Variants in LAPTM4B observed in about 807,000 individuals in gnomAD.
LAPTM4B encodes the protein lysosomal protein transmembrane 4 beta.
A neutral mutation model predicts 28.5 loss-of-function variants in LAPTM4B; 26 were observed. That is an observed-to-expected ratio of 0.91 (90% CI 0.67 to 1.27). LAPTM4B has a LOEUF of 1.27. LAPTM4B is among the 50% of genes most tolerant of loss of function. LAPTM4B has a pLI of 0.00. For missense variants in LAPTM4B, 288 were observed against 285.8 expected, an observed-to-expected ratio of 1.01 and a Z score of -0.06; for synonymous variants, 109 against 106.4, an observed-to-expected ratio of 1.02 and a Z score of -0.15.
At position 97,795,957 on chromosome 8, in the gene LAPTM4B, G is replaced by A. The variant is rs116032815; in HGVS notation, c.100-9396G>A. Among the ~76,000 whole-genome samples, 1,487 of 150,758 alleles carry A rather than the reference G, an allele frequency of 9.9e-3. 19 individuals are homozygous for A. Among genetic ancestry groups the A allele is most frequent in the African/African-American group, 0.034 (1,399 of 41,140 alleles). ...CACACCTCCTCTTGATTTATTTGCT[G>A]TTTTCCCCACTCACCTTTGTTGCCC... is the stretch of plus-strand genomic sequence containing the variant. On this transcript the variant is annotated intron_variant, in intron 1 of 6. Transcript: ENST00000521545.
chr8:97,823,290 CT>C (rs2129809382), intron 5 of LAPTM4B, among the ~76,000 whole-genome samples: 2 of 151,754 alleles, frequency 1.3e-5, no homozygotes, highest in South Asian at 4.2e-4. Flanking sequence ...TGCAAAGGCC[CT>C]TGAGAATGCC....
intron 1 of LAPTM4B, among the ~76,000 whole-genome samples, chr8:97,794,842 T>TAC (rs1816557323): frequency 6.6e-6 from 1 of 152,146 alleles, no homozygotes; most frequent in South Asian, 2.1e-4. Flanking sequence ...GCCTCCTGAG[T>TAC]AGCTGGGATT....
intron 6 of LAPTM4B, among the ~76,000 whole-genome samples, chr8:97,835,512 G>A (rs562817271): frequency 1.4e-4 from 22 of 152,222 alleles, no homozygotes; most frequent in East Asian, 5.8e-4. Context: ...GAGTCATCCC[G>A]CCCCCAGCAC....
intron 6 of LAPTM4B, among the ~76,000 whole-genome samples, chr8:97,832,937 C>T (rs925551900): frequency 6.7e-6 from 1 of 150,314 alleles, no homozygotes; most frequent in Non-Finnish European, 1.5e-5. Flanking sequence ...AACTCCTGAC[C>T]TCAAGTGATC....
At chr8:97,837,564 TA>T (rs953719953) in intron 6 of LAPTM4B, among the ~76,000 whole-genome samples, 1 of 152,144 alleles carries the variant, frequency 6.6e-6, no homozygotes, top group Non-Finnish European at 1.5e-5. Flanking sequence ...TTTCCCTTCA[TA>T]AAAGTCATAA....
At chr8:97,815,215 A>G in intron 2 of LAPTM4B, 113 bp from the exon 3 acceptor site, 1 of 744,524 alleles carries the variant, frequency 1.3e-6, no homozygotes, top group Non-Finnish European at 2.4e-6. Flanking sequence ...TAAAGTATTT[A>G]CTAACTTTAT....
rs753483537 is a variant in LAPTM4B at position 97,817,445 on chromosome 8, C to CTTT, written c.408+1283_408+1285dup. On this transcript the variant is annotated intron_variant, in intron 4 of 6. Transcript: ENST00000521545. ...GACTCACTGTACCAGGCCAACTTTA[C>CTTT]TTTTTTTTTTTTTTTTTTTTGAGAC... Among the ~76,000 whole-genome samples the CTTT allele has an allele frequency of 5.1e-4, 45 of 88,990 alleles. 5 individuals are homozygous for CTTT. Among genetic ancestry groups the CTTT allele is most frequent in the Non-Finnish European group, 5.5e-4 (24 of 43,976 alleles). The allele number at this position is 88,990 out of a possible 152,430, so 58.4% of individuals were successfully genotyped here.
intron 1 of LAPTM4B, among the ~76,000 whole-genome samples, chr8:97,780,634 G>A (rs961227912): frequency 3.7e-4 from 56 of 152,046 alleles, no homozygotes; most frequent in Non-Finnish European, 5.3e-4. Flanking sequence ...TCCTGGTGAG[G>A]TAGATTTTCT....
intron 2 of LAPTM4B, among the ~76,000 whole-genome samples, 180 bp from the exon 3 acceptor site, chr8:97,815,148 A>T (rs115284743): frequency 0.048 from 7,290 of 152,304 alleles, 225 homozygotes; most frequent in Admixed American, 0.084. Context: ...AAGAACAAAC[A>T]TTAAAAAAAT....
At chr8:97,810,176 C>G (rs1214975749) in intron 2 of LAPTM4B, among the ~76,000 whole-genome samples, 1 of 152,142 alleles carries the variant, frequency 6.6e-6, no homozygotes, top group Admixed American at 6.5e-5. Context: ...TCATTCTCGA[C>G]GTCCCAAAGT....
chr8:97,833,564 T>G (rs1247636100), intron 6 of LAPTM4B, among the ~76,000 whole-genome samples: 1 of 152,198 alleles, frequency 6.6e-6, no homozygotes, highest in African/African-American at 2.4e-5. Context: ...TCTTTATAAT[T>G]TTTTGTTGAA....
rs184913175 is a variant in LAPTM4B, at chr8:97,840,901, T to C, written c.604-10496T>C. ...TAGCTGGGCAGAGGCGCTTCTCACA[T>C]CCCAGATGGGGTGGCAGCCGGGCGG... is the stretch of plus-strand genomic sequence containing the variant. On this transcript the variant is annotated intron_variant, in intron 6 of 6. Transcript: ENST00000521545. 8.0e-3 allele frequency among the ~76,000 whole-genome samples: 1,171 copies of C among 146,918 alleles called. 22 individuals carry two copies. The highest frequency in any genetic ancestry group is 8.9e-3 in the Non-Finnish European group (601 of 67,184).
intron 1 of LAPTM4B, among the ~76,000 whole-genome samples, chr8:97,800,244 A>G (rs1192724157): frequency 6.6e-6 from 1 of 152,158 alleles, no homozygotes; most frequent in Non-Finnish European, 1.5e-5. Flanking sequence ...GTCCCTAGGG[A>G]CTGAGAGTGC....
chr8:97,795,912 T>C (rs1046542833), intron 1 of LAPTM4B, among the ~76,000 whole-genome samples: 1 of 151,862 alleles, frequency 6.6e-6, no homozygotes, highest in Non-Finnish European at 1.5e-5. Flanking sequence ...GCAAGGACCT[T>C]AGCTTAGTTC....
chr8:97,792,183 A>G (rs1276896965), intron 1 of LAPTM4B, among the ~76,000 whole-genome samples: 2 of 151,972 alleles, frequency 1.3e-5, no homozygotes, highest in Non-Finnish European at 2.9e-5. Context: ...TTATAGTCCA[A>G]CTCCAAGGAT....
chr8:97,784,155 C>T (rs1191220823), intron 1 of LAPTM4B, among the ~76,000 whole-genome samples: 3 of 152,002 alleles, frequency 2.0e-5, no homozygotes, highest in East Asian at 1.9e-4. Context: ...TCAAAGCAAC[C>T]CTGGGTCACG....
At chr8:97,781,455 C>T (rs1421208417) in intron 1 of LAPTM4B, among the ~76,000 whole-genome samples, 1 of 148,310 alleles carries the variant, frequency 6.7e-6, no homozygotes, top group Non-Finnish European at 1.5e-5. Flanking sequence ...TTTTTGTTTT[C>T]CTAGTAGAGA....
chr8:97,791,753 T>C (rs894197301), intron 1 of LAPTM4B, among the ~76,000 whole-genome samples: 2 of 152,242 alleles, frequency 1.3e-5, no homozygotes, highest in African/African-American at 2.4e-5. Flanking sequence ...AACAATTGAA[T>C]GTCAGTTGAA....
chr8:97,798,378 A>G (rs908203058), intron 1 of LAPTM4B, among the ~76,000 whole-genome samples: 2 of 152,216 alleles, frequency 1.3e-5, no homozygotes, highest in African/African-American at 4.8e-5. Flanking sequence ...ATAATAATAC[A>G]GTAGATATGT....
Sources: allele counts gnomAD v4.1 joint callset (sites outside exome capture counted in the v4.1 genomes callset), GRCh38; gene constraint gnomAD v4.1.1; transcripts MANE v1.5; gene names NCBI Gene and HGNC (gene_info 2026-07-23, HGNC 2026-07-21).